Variants in SSBP2 observed in about 807,000 individuals in gnomAD.
SSBP2 encodes single-stranded DNA-binding protein 2.
Under a neutral mutation model 61.8 loss-of-function variants are expected in SSBP2, and 17 were observed. The observed-to-expected ratio is 0.28, with a 90% CI of 0.19 to 0.41. The LOEUF is 0.41. Among genes scored for constraint, SSBP2 ranks in the 10% least tolerant of loss-of-function variants. SSBP2 has a pLI of 1.00. For missense variants in SSBP2, 310 were observed against 458.7 expected (o/e 0.68, Z 2.96); for synonymous variants, 139 against 141.3 (o/e 0.98, Z 0.12).
At chr5:81,585,431 A>G (rs544344878) in intron 4 of SSBP2, among the ~76,000 whole-genome samples, 4 of 152,264 alleles carry the variant, frequency 2.6e-5, no homozygotes, top group African/African-American at 9.6e-5. Context: ...TTTCATTTGC[A>G]AATCAGTTGT....
At chr5:81,663,125 T>C (rs1750829901) in intron 1 of SSBP2, among the ~76,000 whole-genome samples, 2 of 152,258 alleles carry the variant, frequency 1.3e-5, no homozygotes, top group South Asian at 4.1e-4. Context: ...TTAGAATTGG[T>C]AGAAAATAAG....
chr5:81,427,122 T>A (rs1762002657), intron 16 of SSBP2, among the ~76,000 whole-genome samples: 1 of 152,188 alleles, frequency 6.6e-6, no homozygotes, highest in South Asian at 2.1e-4. Context: ...TTATACCACT[T>A]TATTGCTGGT....
intron 8 of SSBP2, among the ~76,000 whole-genome samples, chr5:81,471,082 A>C (rs1007857172): frequency 2.0e-5 from 3 of 151,884 alleles, no homozygotes; most frequent in African/African-American, 7.2e-5. Flanking sequence ...AAGTTACTGT[A>C]GGCATTTCTT....
intron 1 of SSBP2, among the ~76,000 whole-genome samples, chr5:81,672,289 T>C (rs1420748080): frequency 1.3e-5 from 2 of 152,148 alleles, no homozygotes; most frequent in Non-Finnish European, 2.9e-5. Context: ...CATTTCCTAA[T>C]TAAAATTTAG....
At chr5:81,624,148 A>G (rs543124347) in intron 3 of SSBP2, among the ~76,000 whole-genome samples, 55 of 152,328 alleles carry the variant, frequency 3.6e-4, no homozygotes, top group African/African-American at 1.2e-3. Context: ...TTCATAATTA[A>G]GTCTATAATA....
At position 81,502,093 on chromosome 5, in the gene SSBP2, G is replaced by A. The variant is rs75221309; in HGVS notation, c.372+11535C>T. 8.5e-3 allele frequency among the ~76,000 whole-genome samples: 1,299 copies of A among 152,056 alleles called. 26 individuals are homozygous for A. The highest frequency in any genetic ancestry group is 0.03 in the African/African-American group (1,238 of 41,428). ...CCTTTAAATCAAAACTCCTTGAGTT[G>A]GCCATACTCATTGCCTCCAATTTCT... On this transcript the variant is annotated intron_variant, in intron 5 of 16. Transcript: ENST00000320672.
At chr5:81,545,331 C>G (rs546399201) in intron 4 of SSBP2, among the ~76,000 whole-genome samples, 3 of 152,238 alleles carry the variant, frequency 2.0e-5, no homozygotes, top group Admixed American at 6.5e-5. Context: ...AAGAAATAAA[C>G]TTTTATTGTA....
intron 16 of SSBP2, among the ~76,000 whole-genome samples, chr5:81,424,810 G>T (rs565671698): frequency 6.6e-6 from 1 of 152,308 alleles, no homozygotes; most frequent in East Asian, 1.9e-4. Context: ...GTTAAATGGA[G>T]TATCATATTT....
chr5:81,650,427 T>G, intron 1 of SSBP2, 88 bp from the exon 2 acceptor site: 1 of 915,302 alleles, frequency 1.1e-6, no homozygotes, highest in East Asian at 2.9e-5. Flanking sequence ...CTGAAATATC[T>G]TACACACTAA....
At chr5:81,612,972 T>C (rs964154712) in intron 4 of SSBP2, among the ~76,000 whole-genome samples, 1 of 152,088 alleles carries the variant, frequency 6.6e-6, no homozygotes, top group Non-Finnish European at 1.5e-5. Context: ...AGAAATTATC[T>C]ACTATTAAGA....
At chr5:81,599,011 C>G (rs1490593035) in intron 4 of SSBP2, among the ~76,000 whole-genome samples, 1 of 152,096 alleles carries the variant, frequency 6.6e-6, no homozygotes, top group Non-Finnish European at 1.5e-5. Context: ...GAAGCAATAA[C>G]CTAGTATTAC....
In SSBP2 at chr5:81,425,900, C is replaced by T. The variant is rs571317735; in HGVS notation, c.1056+2685G>A. Among the ~76,000 whole-genome samples, 11 of 152,206 alleles carry T rather than the reference C, an allele frequency of 7.2e-5. 1 individual carries two copies. In the South Asian group the frequency reaches 2.3e-3, roughly 32 times the overall value. On this transcript the variant is annotated intron_variant, in intron 16 of 16. Coordinates refer to ENST00000320672, the MANE Select transcript of SSBP2 (RefSeq NM_012446.5). ...GATAGTATCTAGTACATAAAGAGTA[C>T]TCAATAGATACTTGCTCCCTTCCCA...
chr5:81,500,941 C>T lies in SSBP2; in HGVS notation c.373-11632G>A, dbSNP rs370176656. Among the ~76,000 whole-genome samples, 10 of 150,974 alleles carry T rather than the reference C, an allele frequency of 6.6e-5. No individual in the cohort carries two copies. In the South Asian group the frequency reaches 1.5e-3, roughly 22 times the overall value. ...AAAATATACATCTTGAGGCCAGGCA[C>T]GGTGGCTCATGCCTGTAATCCCAGC... On this transcript the variant is annotated intron_variant, in intron 5 of 16. Coordinates refer to ENST00000320672, the MANE Select transcript of SSBP2 (RefSeq NM_012446.5).
At chr5:81,718,222 G>A (rs565090970) in intron 1 of SSBP2, among the ~76,000 whole-genome samples, 1 of 152,252 alleles carries the variant, frequency 6.6e-6, no homozygotes, top group Admixed American at 6.5e-5. Flanking sequence ...ACATAAGAAG[G>A]AGGATGGAAG....
intron 1 of SSBP2, among the ~76,000 whole-genome samples, chr5:81,716,456 A>G (rs767266434): frequency 6.6e-5 from 10 of 152,212 alleles, no homozygotes; most frequent in Non-Finnish European, 1.2e-4. Context: ...AACTGCTCAA[A>G]GAAACCAAGA....
rs573761647 is a variant in SSBP2 at position 81,648,488 on chromosome 5, C to G, written c.135+1779G>C. Among the ~76,000 whole-genome samples the G allele has an allele frequency of 8.6e-5, 13 of 152,040 alleles. No individual in the cohort carries two copies. In the South Asian group the frequency reaches 2.7e-3, roughly 32 times the overall value. Reference sequence around the variant, plus strand: ...TAGAAATAAGAGTGAGGGTTGTGTGCGTTTGTTTACTTTGAGCTGCAGCTA... The same window carrying G: ...TAGAAATAAGAGTGAGGGTTGTGTGGGTTTGTTTACTTTGAGCTGCAGCTA... On this transcript the variant is annotated intron_variant, in intron 2 of 16. Coordinates refer to ENST00000320672, the MANE Select transcript of SSBP2 (RefSeq NM_012446.5).
intron 1 of SSBP2, among the ~76,000 whole-genome samples, chr5:81,731,647 T>A (rs1372720744): frequency 6.6e-6 from 1 of 152,116 alleles, no homozygotes; most frequent in South Asian, 2.1e-4. Flanking sequence ...TAGAAGAGAT[T>A]ATCATCCATG....
At chr5:81,679,314 T>C (rs1752216733) in intron 1 of SSBP2, among the ~76,000 whole-genome samples, 1 of 152,262 alleles carries the variant, frequency 6.6e-6, no homozygotes, top group South Asian at 2.1e-4. Flanking sequence ...CAGACTACTT[T>C]TCTTATTCTT....
intron 4 of SSBP2, among the ~76,000 whole-genome samples, chr5:81,550,668 A>G (rs1772104933): frequency 3.9e-5 from 6 of 152,156 alleles, no homozygotes; most frequent in Admixed American, 3.9e-4. Flanking sequence ...ACAACTCTCT[A>G]TTTGACTTAA....
Sources: allele counts gnomAD v4.1 joint callset (sites outside exome capture counted in the v4.1 genomes callset), GRCh38; gene constraint gnomAD v4.1.1; transcripts MANE v1.5; gene names NCBI Gene and HGNC (gene_info 2026-07-23, HGNC 2026-07-21).